Variants in CHD7 observed in about 807,000 individuals in gnomAD.
CHD7 encodes chromodomain helicase DNA binding protein 7.
CHD7 carries 24 observed loss-of-function variants against 307.3 expected under a neutral mutation model. That is an observed-to-expected ratio of 0.08 (90% confidence interval 0.06 to 0.11). The LOEUF is 0.11. CHD7 is among the 10% of genes least tolerant of loss of function. The probability of loss-of-function intolerance (pLI) is 1.00; values close to 1 mark genes in which losing one functional copy is unlikely to be tolerated. For missense variants in CHD7, 3,106 were observed against 3,727.1 expected (o/e 0.83, Z 4.34); for synonymous variants, 1,363 against 1,349.9 (o/e 1.01, Z -0.21).
intron 1 of CHD7, chr8:60,679,626 G>GCGGCGGCGGCTCGGGGA (rs979977601): frequency 4.0e-5 from 6 of 148,156 alleles, no homozygotes; most frequent in East Asian, 2.0e-4. Flanking sequence ...CTGAGCAGCG[G>GCGGCGGCGGCTCGGGGA]CGGCGGCGGC....
intron 1 of CHD7, among the ~76,000 whole-genome samples, chr8:60,688,340 T>C (rs1371203056): frequency 6.6e-6 from 1 of 152,208 alleles, no homozygotes; most frequent in African/African-American, 2.4e-5. Flanking sequence ...GGCATATTCA[T>C]TGAGTGGTTA....
At position 60,848,575 on chromosome 8, in the gene CHD7, G is replaced by C. The variant is rs775003129; in HGVS notation, c.5271G>C (p.Ala1757=). Residue 1757 remains alanine (A), a synonymous_variant, in exon 24 of 38, where the codon GCG becomes GCC. Coordinates refer to ENST00000423902, the MANE Select transcript of CHD7 (RefSeq NM_017780.4). Reference sequence around the variant, plus strand: ...GACAAGAAGTGATAGGAGACCAGGCGGATAAGATCTTAGAGGGTGCTGACT... The same window carrying C: ...GACAAGAAGTGATAGGAGACCAGGCCGATAAGATCTTAGAGGGTGCTGACT... ...YLRQEVIGDQ[A]DKILEGADSS... The C allele has an allele frequency of 6.2e-7, 1 of 1,613,398 alleles. No individual in the cohort carries two copies. Among genetic ancestry groups the C allele is most frequent in the Admixed American group, 1.7e-5 (1 of 59,966 alleles).
At position 60,821,415 on chromosome 8, in the gene CHD7, G is replaced by A. The variant is rs563583251; in HGVS notation, c.2698-375G>A. Among the ~76,000 whole-genome samples the A allele has an allele frequency of 1.3e-4, 20 of 152,092 alleles. No homozygotes were observed. In the South Asian group the frequency reaches 3.5e-3, roughly 27 times the overall value. The stretch of plus-strand genomic sequence containing the variant: ...TTGAGACTCTTAACTAGGAACAGCT[G>A]TTTATGGCCATAGTTTTTAAATTTC... On this transcript the variant is annotated intron_variant, in intron 9 of 37. Transcript: ENST00000423902.
At chr8:60,813,539 C>T (rs1325055493) in intron 7 of CHD7, among the ~76,000 whole-genome samples, 1 of 152,146 alleles carries the variant, frequency 6.6e-6, no homozygotes, top group Non-Finnish European at 1.5e-5. Flanking sequence ...GAACCAAAAT[C>T]TTCAAATATG....
rs1342270477 is a variant in CHD7 at position 60,844,958 on chromosome 8, T to C, written c.4945T>C (p.Tyr1649His). 3.1e-6 allele frequency: 5 copies of C among 1,613,844 alleles called. No individual in the cohort carries two copies. The highest frequency in any genetic ancestry group is 3.4e-6 in the Non-Finnish European group (4 of 1,179,854). Residue 1649 changes from tyrosine (Y) to histidine (H), a missense_variant, in exon 22 of 38, where the codon TAC becomes CAC. This residue lies in a region of CHD7 where 28 missense variants were observed against 64.7 expected (regional missense o/e 0.43). Transcript: ENST00000423902. ...AACCATCTGCAGAACCATCCTGGTGTACTGTCTTAATCATTACAAAGGGGA... is the reference window on the plus strand; with the variant it reads ...AACCATCTGCAGAACCATCCTGGTGCACTGTCTTAATCATTACAAAGGGGA... ...VETICRTILV[Y>H]CLNHYKGDEN...
chr8:60,706,751 T>C (rs1288992749), intron 1 of CHD7, among the ~76,000 whole-genome samples: 1 of 152,150 alleles, frequency 6.6e-6, no homozygotes, highest in Non-Finnish European at 1.5e-5. Context: ...TGCTGGAAGT[T>C]AGTTTTCATA....
At chr8:60,847,948 T>G (rs1261722553) in intron 23 of CHD7, among the ~76,000 whole-genome samples, 1 of 152,158 alleles carries the variant, frequency 6.6e-6, no homozygotes, top group Admixed American at 6.5e-5. Flanking sequence ...ACACACCTTC[T>G]ACCCCACCCT....
At chr8:60,794,739 A>G (rs1012568362) in intron 3 of CHD7, among the ~76,000 whole-genome samples, 2 of 152,198 alleles carry the variant, frequency 1.3e-5, no homozygotes, top group Non-Finnish European at 2.9e-5. Context: ...TTTTGCACAA[A>G]TGTACTATGT....
chr8:60,839,193 G>A (rs1804865391), intron 19 of CHD7, among the ~76,000 whole-genome samples: 1 of 152,136 alleles, frequency 6.6e-6, no homozygotes, highest in Admixed American at 6.5e-5. Flanking sequence ...ATCATATGAT[G>A]TATGATCTTT....
At chr8:60,859,474 G>C (rs894885147) in intron 34 of CHD7, among the ~76,000 whole-genome samples, 1 of 152,156 alleles carries the variant, frequency 6.6e-6, no homozygotes, top group Non-Finnish European at 1.5e-5. Flanking sequence ...TTTAGGATGG[G>C]GTAGCACATA....
chr8:60,742,762 G>A lies in CHD7; in HGVS notation c.1330G>A (p.Gly444Arg). 6.2e-7 allele frequency: 1 copy of A among 1,614,046 alleles called. No individual in the cohort carries two copies. The highest frequency in any genetic ancestry group is 8.5e-7 in the Non-Finnish European group (1 of 1,179,894). ...QPSHQPPGAM[G>R]IGQRNMGPRN... ...ATCTCACCAGCCCCCTGGTGCCATG[G>A]GAATCGGACAGAGGAATATGGGCCC... The change falls in exon 2 of 38, where the codon GGA becomes AGA. Residue 444 changes from glycine to arginine, a missense_variant. Coordinates refer to ENST00000423902, the MANE Select transcript of CHD7 (RefSeq NM_017780.4).
chr8:60,761,361 A>T (rs1233677399), intron 2 of CHD7, among the ~76,000 whole-genome samples: 1 of 86,990 alleles, frequency 1.1e-5, no homozygotes, highest in Non-Finnish European at 2.2e-5. Context: ...GGGAGGGGGG[A>T]GGGATAGCAC....
intron 2 of CHD7, among the ~76,000 whole-genome samples, chr8:60,753,050 T>G (rs746363709): frequency 1.3e-5 from 2 of 152,248 alleles, no homozygotes; most frequent in Non-Finnish European, 2.9e-5. Context: ...CATTTTTGGC[T>G]GCTCAAATAT....
At chr8:60,706,868 A>C (rs1964573) in intron 1 of CHD7, among the ~76,000 whole-genome samples, 1 of 152,016 alleles carries the variant, frequency 6.6e-6, no homozygotes, top group Non-Finnish European at 1.5e-5. Flanking sequence ...TGTGCACAAC[A>C]TGCAGGTTTG....
At position 60,854,484 on chromosome 8, in the gene CHD7, C is replaced by A. The variant is rs757814897; in HGVS notation, c.6897C>A (p.Leu2299=). The change falls in exon 32 of 38, where the codon CTC becomes CTA. Residue 2299 remains leucine, a synonymous_variant. Coordinates refer to ENST00000423902, the MANE Select transcript of CHD7 (RefSeq NM_017780.4). ...MEDGDPSVAQ[L]LHERTFAFSF... Reference sequence around the variant, plus strand: ...ACGGAGATCCTTCAGTAGCTCAGCTCCTTCATGAAAGAACATTTGCCTTCT... The same window carrying A: ...ACGGAGATCCTTCAGTAGCTCAGCTACTTCATGAAAGAACATTTGCCTTCT... The A allele has an allele frequency of 1.2e-6, 2 of 1,606,202 alleles. No individual in the cohort carries two copies.
chr8:60,801,718 C>A, intron 6 of CHD7, 125 bp downstream of exon 6: 1 of 656,550 alleles, frequency 1.5e-6, no homozygotes, highest in Non-Finnish European at 2.6e-6. Context: ...ATTTCTAATC[C>A]TGTCTAATTT....
At chr8:60,771,641 C>T (rs563904687) in intron 2 of CHD7, among the ~76,000 whole-genome samples, 16 of 135,162 alleles carry the variant, frequency 1.2e-4, no homozygotes, top group African/African-American at 4.1e-4. Flanking sequence ...TGTAGTCAGA[C>T]GTCATTAGGA....
chr8:60,736,580 A>G (rs551937043), intron 1 of CHD7, among the ~76,000 whole-genome samples: 3 of 152,240 alleles, frequency 2.0e-5, no homozygotes, highest in Non-Finnish European at 4.4e-5. Flanking sequence ...TATCACAGTG[A>G]TGTTCTATAC....
intron 1 of CHD7, among the ~76,000 whole-genome samples, chr8:60,726,218 A>G (rs145186317): frequency 4.7e-4 from 71 of 152,318 alleles, no homozygotes; most frequent in Admixed American, 2.4e-3. Context: ...TTCTTTCACC[A>G]GAAGTGTGGA....
Sources: allele counts gnomAD v4.1 joint callset (sites outside exome capture counted in the v4.1 genomes callset), GRCh38; gene constraint gnomAD v4.1.1; regional missense constraint gnomAD v4.1.1; transcripts MANE v1.5; gene names NCBI Gene and HGNC (gene_info 2026-07-23, HGNC 2026-07-21).